The following ZCCHC14 variants were observed in gnomAD, a reference collection of about 807,000 sequenced individuals.
ZCCHC14 encodes zinc finger CCHC-type containing 14, also known as zinc finger CCHC domain-containing protein 14.
In ZCCHC14, 16 loss-of-function variants were observed where a neutral mutation model predicts 85.0. The ratio of observed to expected loss-of-function variants is 0.19; its 90% CI spans 0.13 to 0.29. The LOEUF is 0.29. Among genes scored for constraint, ZCCHC14 ranks in the 10% least tolerant of loss-of-function variants. The pLI is 1.00. For missense variants in ZCCHC14, 1,303 were observed against 1,443.5 expected (o/e 0.90, Z 1.58); for synonymous variants, 775 against 630.7 (o/e 1.23, Z -3.43).
At chr16:87,436,759 G>A (rs1308707700) in intron 2 of ZCCHC14, among the ~76,000 whole-genome samples, 1 of 152,190 alleles carries the variant, frequency 6.6e-6, no homozygotes, top group African/African-American at 2.4e-5. Flanking sequence ...ATATTAACTG[G>A]AAAATTACAA....
chr16:87,477,639 GTTT>G (rs1340760354), intron 1 of ZCCHC14, among the ~76,000 whole-genome samples: 1 of 152,194 alleles, frequency 6.6e-6, no homozygotes, highest in Non-Finnish European at 1.5e-5. Flanking sequence ...CTCTGTGTCT[GTTT>G]TCTTATTGCT....
In ZCCHC14 at chr16:87,409,344, ACT is replaced by A. The variant is rs1213459402; in HGVS notation, c.*934_*935del. On this transcript the variant is annotated 3_prime_UTR_variant, in exon 13 of 13. Transcript: ENST00000671377. ...CCGTGGGAGATAAAGCAACTTGCAA[ACT>A]CTGCTGAGGACGTGCAGCATCCTCA... 4 of 152,128 alleles carry A rather than the reference ACT, an allele frequency of 2.6e-5. No homozygotes were observed. Among genetic ancestry groups the A allele is most frequent in the Admixed American group, 1.3e-4 (2 of 15,288 alleles). 9.4% of individuals were successfully genotyped at this position (152,128 alleles called of 1,614,324 possible).
intron 2 of ZCCHC14, among the ~76,000 whole-genome samples, chr16:87,455,890 G>T (rs1472416611): frequency 6.6e-6 from 1 of 152,202 alleles, no homozygotes; most frequent in African/African-American, 2.4e-5. Flanking sequence ...TTGCCCACCT[G>T]CAGGCTAATG....
At chr16:87,422,827 G>A (rs1490058125) in intron 4 of ZCCHC14, among the ~76,000 whole-genome samples, 1 of 152,018 alleles carries the variant, frequency 6.6e-6, no homozygotes, top group Non-Finnish European at 1.5e-5. Flanking sequence ...GGGAAGCTGT[G>A]TTTAACAAAA....
chr16:87,413,382 G>A (rs1208247022), intron 10 of ZCCHC14, among the ~76,000 whole-genome samples, 187 bp from the exon 11 acceptor site: 2 of 152,328 alleles, frequency 1.3e-5, no homozygotes, highest in African/African-American at 4.8e-5. Flanking sequence ...AAATGGCAGC[G>A]ATGCTCAACA....
intron 1 of ZCCHC14, among the ~76,000 whole-genome samples, chr16:87,490,648 C>T (rs1912711544): frequency 6.6e-6 from 1 of 152,192 alleles, no homozygotes; most frequent in Admixed American, 6.5e-5. Context: ...CATCGGTGCC[C>T]TCCCACTCAA....
chr16:87,465,286 G>T (rs1005630273), intron 1 of ZCCHC14, among the ~76,000 whole-genome samples: 2 of 152,210 alleles, frequency 1.3e-5, no homozygotes, highest in Non-Finnish European at 2.9e-5. Context: ...GAAGCAGGCC[G>T]TTAATAAGGA....
chr16:87,423,076 T>C (rs577543253), intron 4 of ZCCHC14, among the ~76,000 whole-genome samples: 19 of 152,336 alleles, frequency 1.2e-4, no homozygotes, highest in Admixed American at 4.6e-4. Flanking sequence ...CATTTACATA[T>C]GTTATCCCAT....
chr16:87,427,054 G>C (rs144948753), intron 3 of ZCCHC14, among the ~76,000 whole-genome samples: 1 of 152,236 alleles, frequency 6.6e-6, no homozygotes, highest in Non-Finnish European at 1.5e-5. Context: ...GGGAAGATGT[G>C]GGGGAAGGAG....
At chr16:87,454,076 G>A (rs1361852955) in intron 2 of ZCCHC14, among the ~76,000 whole-genome samples, 1 of 152,172 alleles carries the variant, frequency 6.6e-6, no homozygotes, top group Non-Finnish European at 1.5e-5. Flanking sequence ...GGGTACAAGA[G>A]CTTGAAGACA....
intron 2 of ZCCHC14, among the ~76,000 whole-genome samples, chr16:87,452,783 AC>A (rs11299586): frequency 0.17 from 25,501 of 151,974 alleles, 2,849 homozygotes; most frequent in South Asian, 0.58. Flanking sequence ...GCCCCTGGTG[AC>A]CCCCCTCGTG....
chr16:87,456,532 C>CA (rs1567531853), intron 2 of ZCCHC14, among the ~76,000 whole-genome samples: 14 of 7,856 alleles, frequency 1.8e-3, no homozygotes, highest in Admixed American at 5.7e-3. Context: ...GACTCTGTCT[C>CA]CAAAAAAAAA....
At chr16:87,475,703 C>G (rs1055674724) in intron 1 of ZCCHC14, among the ~76,000 whole-genome samples, 1 of 151,850 alleles carries the variant, frequency 6.6e-6, no homozygotes, top group African/African-American at 2.4e-5. Flanking sequence ...AGTATCCAAC[C>G]CAAAGAACAG....
chr16:87,477,841 C>T (rs1435981314), intron 1 of ZCCHC14, among the ~76,000 whole-genome samples: 3 of 144,924 alleles, frequency 2.1e-5, no homozygotes, highest in South Asian at 2.3e-4. Context: ...GCATCGCTCC[C>T]GAGTCTGCTG....
At chr16:87,423,671 G>C in intron 4 of ZCCHC14, 139 bp downstream of exon 4, 1 of 896,164 alleles carries the variant, frequency 1.1e-6, no homozygotes, top group Non-Finnish European at 1.7e-6. Flanking sequence ...GGACTCCACT[G>C]TGGCTGGGCA....
In ZCCHC14 at chr16:87,420,506, G is replaced by A. The variant is rs114100645; in HGVS notation, c.950+101C>T. ...AGTAGAGACCCAGGTCCAGGTGACC[G>A]CGCATCCTCCCAGAGCTCCTTGGAG... On this transcript the variant is annotated intron_variant, in intron 5 of 12. Coordinates refer to ENST00000671377, the MANE Select transcript of ZCCHC14 (RefSeq NM_015144.3). The surrounding 1 kb of genome is among the most constrained non-coding windows in gnomAD (Gnocchi z 5.0). The A allele has an allele frequency of 1.4e-3, 1,253 of 901,830 alleles. 8 individuals carry two copies. In the African/African-American group the frequency reaches 0.017, roughly 12 times the overall value. 55.9% of individuals were successfully genotyped at this position (901,830 alleles called of 1,614,324 possible). A position where few individuals can be genotyped will look rare whatever the true frequency, so the allele number is the denominator to read the frequency against.
At chr16:87,475,651 G>A (rs987105554) in intron 1 of ZCCHC14, among the ~76,000 whole-genome samples, 1 of 151,802 alleles carries the variant, frequency 6.6e-6, no homozygotes, top group Non-Finnish European at 1.5e-5. Context: ...GCAGACTGGA[G>A]GTAACAGAAG....
At chr16:87,437,528 G>A (rs1432944539) in intron 2 of ZCCHC14, among the ~76,000 whole-genome samples, 1 of 152,190 alleles carries the variant, frequency 6.6e-6, no homozygotes, top group African/African-American at 2.4e-5. Context: ...AGGAGGCTCT[G>A]CTGGAGCACT....
At chr16:87,464,402 C>G (rs776010811) in intron 1 of ZCCHC14, among the ~76,000 whole-genome samples, 5 of 152,204 alleles carry the variant, frequency 3.3e-5, no homozygotes, top group African/African-American at 1.2e-4. Context: ...GAACCAACCA[C>G]GACCCCAAGT....
Sources: allele counts gnomAD v4.1 joint callset (sites outside exome capture counted in the v4.1 genomes callset), GRCh38; gene constraint gnomAD v4.1.1; non-coding constraint Gnocchi (gnomAD v3.1); transcripts MANE v1.5; gene names NCBI Gene and HGNC (gene_info 2026-07-23, HGNC 2026-07-21).